Variants in PCDH9 observed in about 807,000 individuals in gnomAD.
The protein encoded by PCDH9 is protocadherin 9.
Under a neutral mutation model 70.6 loss-of-function variants are expected in PCDH9, and 24 were observed. The ratio of observed to expected loss-of-function variants is 0.34; its 90% confidence interval spans 0.25 to 0.48. The LOEUF is 0.48. PCDH9 is among the 20% of genes least tolerant of loss of function. The pLI, the probability that PCDH9 is intolerant of heterozygous loss-of-function variation, is 0.99. For synonymous variants in PCDH9, 562 were observed against 558.5 expected (o/e 1.01, Z -0.09); for missense variants, 1,281 against 1,503.6 (o/e 0.85, Z 2.45).
At chr13:66,396,625 C>A (rs1387204092) in intron 4 of PCDH9, among the ~76,000 whole-genome samples, 2 of 152,162 alleles carry the variant, frequency 1.3e-5, no homozygotes, top group Non-Finnish European at 2.9e-5. Flanking sequence ...ATCTGTGATT[C>A]TAGCGTCAGC....
intron 3 of PCDH9, among the ~76,000 whole-genome samples, chr13:66,886,288 G>A (rs1296167409): frequency 6.6e-6 from 1 of 152,126 alleles, no homozygotes; most frequent in East Asian, 1.9e-4. Context: ...TGCAGAAAAG[G>A]AAGAGAACAT....
chr13:66,965,936 A>G (rs1237744823), intron 2 of PCDH9, among the ~76,000 whole-genome samples: 2 of 152,160 alleles, frequency 1.3e-5, no homozygotes, highest in East Asian at 3.8e-4. Context: ...AGAAAAAGCC[A>G]GAAATTCAAG....
intron 2 of PCDH9, among the ~76,000 whole-genome samples, chr13:67,123,873 TATATATAA>T (rs1317767055): frequency 6.6e-6 from 1 of 151,574 alleles, no homozygotes; most frequent in African/African-American, 2.4e-5. Flanking sequence ...GCATGTATAT[TATATATAA>T]ATATATAAAT....
intron 3 of PCDH9, among the ~76,000 whole-genome samples, chr13:66,844,357 C>T (rs769350239): frequency 2.0e-5 from 3 of 151,864 alleles, no homozygotes; most frequent in Non-Finnish European, 4.4e-5. Flanking sequence ...GAAGCCGAGG[C>T]GAGTGGATCC....
At chr13:67,220,951 C>T (rs1010739152) in intron 2 of PCDH9, 2 of 151,984 alleles carry the variant, frequency 1.3e-5, no homozygotes, top group African/African-American at 4.8e-5. Context: ...GAATGGGTGG[C>T]CTATCCTCAT....
At chr13:66,405,170 T>A (rs2138307033) in intron 4 of PCDH9, among the ~76,000 whole-genome samples, 1 of 152,290 alleles carries the variant, frequency 6.6e-6, no homozygotes, top group South Asian at 2.1e-4. Flanking sequence ...TTTTTCTTTC[T>A]TCTCCTCCAT....
intron 4 of PCDH9, among the ~76,000 whole-genome samples, chr13:66,565,297 A>G (rs1174980926): frequency 6.6e-6 from 1 of 152,246 alleles, no homozygotes; most frequent in Non-Finnish European, 1.5e-5. Context: ...ATAAATGGTG[A>G]TAACAACTTA....
At chr13:66,990,880 A>ATC (rs2083989078) in intron 2 of PCDH9, 1 of 151,962 alleles carries the variant, frequency 6.6e-6, no homozygotes, top group Non-Finnish European at 1.5e-5. Context: ...TTTATAACAG[A>ATC]TAACTTTTTC....
intron 2 of PCDH9, among the ~76,000 whole-genome samples, chr13:67,200,776 G>C (rs2089190295): frequency 6.6e-6 from 1 of 151,996 alleles, no homozygotes; most frequent in South Asian, 2.1e-4. Context: ...CCTGGGGTTG[G>C]GAGAGTGAGG....
intron 4 of PCDH9, among the ~76,000 whole-genome samples, chr13:66,523,475 T>C (rs1476146511): frequency 6.6e-6 from 1 of 152,182 alleles, no homozygotes; most frequent in African/African-American, 2.4e-5. Flanking sequence ...TTTGTTCAAG[T>C]AGCACATAAT....
intron 2 of PCDH9, among the ~76,000 whole-genome samples, chr13:66,946,820 T>G (rs921403015): frequency 6.6e-6 from 1 of 152,136 alleles, no homozygotes; most frequent in Non-Finnish European, 1.5e-5. Context: ...GTTAATATAA[T>G]TTTTTCAAGA....
At position 66,792,588 on chromosome 13, in the gene PCDH9, G is replaced by A. The variant is rs772343220; in HGVS notation, c.3138+110916C>T. ...GGAAGCTGACGCAGGAGAATCACCC[G>A]GACCCAGATGGCAGAGGTTTCAGTG... On this transcript the variant is annotated intron_variant, in intron 3 of 4. Coordinates refer to ENST00000377865, the MANE Select transcript of PCDH9 (RefSeq NM_203487.3). 5.8e-4 allele frequency among the ~76,000 whole-genome samples: 89 copies of A among 152,206 alleles called. 1 individual carries two copies. Among genetic ancestry groups the A allele is most frequent in the Admixed American group, 9.2e-4 (14 of 15,276 alleles).
intron 3 of PCDH9, among the ~76,000 whole-genome samples, chr13:66,739,681 G>A (rs1377368560): frequency 3.3e-5 from 5 of 151,986 alleles, no homozygotes; most frequent in African/African-American, 7.3e-5. Context: ...AAAAGGCAGG[G>A]TTTGCAATCC....
chr13:67,073,937 G>A (rs1291834647), intron 2 of PCDH9, among the ~76,000 whole-genome samples: 1 of 151,830 alleles, frequency 6.6e-6, no homozygotes, highest in Non-Finnish European at 1.5e-5. Context: ...GTAACACTTG[G>A]GGCCTTAACC....
chr13:66,869,408 A>G (rs1018321070), intron 3 of PCDH9, among the ~76,000 whole-genome samples: 2 of 152,134 alleles, frequency 1.3e-5, no homozygotes, highest in African/African-American at 4.8e-5. Context: ...AAACTGAAGC[A>G]TCTTTTTCTC....
intron 2 of PCDH9, among the ~76,000 whole-genome samples, chr13:67,007,026 A>G (rs2084367087): frequency 6.6e-6 from 1 of 152,176 alleles, no homozygotes; most frequent in Non-Finnish European, 1.5e-5. Flanking sequence ...AAGTATTTGC[A>G]TATACTAATG....
At chr13:66,784,647 C>T (rs1331547603) in intron 3 of PCDH9, among the ~76,000 whole-genome samples, 1 of 152,144 alleles carries the variant, frequency 6.6e-6, no homozygotes, top group African/African-American at 2.4e-5. Flanking sequence ...ATTCACACAA[C>T]CATTTCCTCA....
intron 4 of PCDH9, among the ~76,000 whole-genome samples, chr13:66,331,481 C>T (rs1273685446): frequency 5.3e-5 from 8 of 152,072 alleles, no homozygotes; most frequent in Admixed American, 3.3e-4. Context: ...GGCCTATCCA[C>T]GTGCATTAAG....
intron 3 of PCDH9, among the ~76,000 whole-genome samples, chr13:66,675,585 G>A (rs6562468): frequency 0.75 from 114,027 of 152,020 alleles, 42,986 homozygotes; most frequent in East Asian, 0.92. Context: ...TTTGAATAGT[G>A]ACTCAGGTGT....
Sources: allele counts gnomAD v4.1 joint callset (sites outside exome capture counted in the v4.1 genomes callset), GRCh38; gene constraint gnomAD v4.1.1; transcripts MANE v1.5; gene names NCBI Gene and HGNC (gene_info 2026-07-23, HGNC 2026-07-21).